Variants in PAQR5 observed in about 807,000 individuals in gnomAD.
The protein encoded by PAQR5 is progestin and adipoQ receptor family member 5.
PAQR5 carries 20 observed loss-of-function variants against 34.5 expected under a neutral mutation model. The ratio of observed to expected loss-of-function variants is 0.58; its 90% CI spans 0.41 to 0.84. The LOEUF is 0.84. PAQR5 is among the 40% of genes least tolerant of loss of function. The pLI, the probability that PAQR5 is intolerant of heterozygous loss-of-function variation, is 0.00. For missense variants in PAQR5, 378 were observed against 412.7 expected (o/e 0.92, Z 0.73); for synonymous variants, 131 against 155.6 (o/e 0.84, Z 1.18).
intron 1 of PAQR5, among the ~76,000 whole-genome samples, chr15:69,299,866 G>C (rs749185489): frequency 4.6e-5 from 7 of 152,188 alleles, no homozygotes; most frequent in East Asian, 1.9e-4. Flanking sequence ...AGAAGAGATG[G>C]GGAGAGGTCA....
At chr15:69,395,784 G>T (rs767938229) in intron 6 of PAQR5, among the ~76,000 whole-genome samples, 7 of 152,058 alleles carry the variant, frequency 4.6e-5, no homozygotes, top group Non-Finnish European at 7.4e-5. Flanking sequence ...CTTTTTCGGG[G>T]GGGATGATGC....
chr15:69,391,841 G>C (rs935355118), intron 6 of PAQR5: 5 of 385,336 alleles, frequency 1.3e-5, no homozygotes, highest in East Asian at 1.5e-4. Flanking sequence ...TGGATCACCT[G>C]AGGTCAGGAG....
intron 3 of PAQR5, among the ~76,000 whole-genome samples, chr15:69,365,387 C>T (rs1318705428): frequency 2.6e-5 from 4 of 152,194 alleles, no homozygotes; most frequent in African/African-American, 4.8e-5. Context: ...GGATTACAGG[C>T]GTGAGCCACC....
chr15:69,301,751 T>C (rs981660954), intron 1 of PAQR5, among the ~76,000 whole-genome samples: 6 of 152,062 alleles, frequency 3.9e-5, no homozygotes, highest in African/African-American at 7.3e-5. Context: ...TCTCAGCATC[T>C]TGGCATCCCT....
intron 1 of PAQR5, among the ~76,000 whole-genome samples, chr15:69,312,501 C>T (rs2053854538): frequency 6.6e-6 from 1 of 151,756 alleles, no homozygotes; most frequent in African/African-American, 2.4e-5. Context: ...GCCCTTCAAC[C>T]CTGGCAAAAG....
In PAQR5 at chr15:69,404,047, C is replaced by A; in HGVS notation, c.*225C>A. On this transcript the variant is annotated 3_prime_UTR_variant, in exon 9 of 9. Coordinates refer to ENST00000395407, the MANE Select transcript of PAQR5 (RefSeq NM_017705.4). ...AAAGGAGAATATGGTTCAAGCAAGT[C>A]CTTGTTAAGGCAAACTATTGATATT... The A allele has an allele frequency of 4.0e-6, 2 of 494,118 alleles. No individual in the cohort carries two copies. The highest frequency in any genetic ancestry group is 7.1e-6 in the Non-Finnish European group (2 of 281,970). The allele number at this position is 494,118 out of a possible 1,614,324, so 30.6% of individuals were successfully genotyped here. A position where few individuals can be genotyped will look rare whatever the true frequency, so the allele number is the denominator to read the frequency against.
intron 2 of PAQR5, among the ~76,000 whole-genome samples, chr15:69,344,169 C>T (rs1048939559): frequency 6.6e-6 from 1 of 152,176 alleles, no homozygotes; most frequent in Non-Finnish European, 1.5e-5. Flanking sequence ...CTTAGGCACA[C>T]CTTGCTTGAA....
At chr15:69,323,097 T>TA (rs1381554545) in intron 1 of PAQR5, among the ~76,000 whole-genome samples, 3 of 152,112 alleles carry the variant, frequency 2.0e-5, no homozygotes, top group African/African-American at 7.2e-5. Context: ...TGTTTGAACA[T>TA]AAAGTGTGGA....
At chr15:69,388,209 G>T (rs1489176204) in intron 5 of PAQR5, among the ~76,000 whole-genome samples, 2 of 152,162 alleles carry the variant, frequency 1.3e-5, no homozygotes, top group East Asian at 1.9e-4. Flanking sequence ...GCTTCCAGGG[G>T]TTCCTCCCTC....
At chr15:69,317,940 C>T (rs1566995084) in intron 1 of PAQR5, among the ~76,000 whole-genome samples, 1 of 152,232 alleles carries the variant, frequency 6.6e-6, no homozygotes, top group Non-Finnish European at 1.5e-5. Flanking sequence ...TCCTCAGCCT[C>T]TTTGGTATCC....
chr15:69,349,038 G>A (rs1242354566), intron 2 of PAQR5, among the ~76,000 whole-genome samples: 1 of 152,114 alleles, frequency 6.6e-6, no homozygotes, highest in Non-Finnish European at 1.5e-5. Context: ...TTGAGAACTG[G>A]TAAAGCATTA....
In PAQR5 at chr15:69,300,935, C is replaced by T. The variant is rs56257427; in HGVS notation, c.-277+1879C>T. 1.6e-4 allele frequency among the ~76,000 whole-genome samples: 5 copies of T among 31,028 alleles called. 1 individual carries two copies. Among genetic ancestry groups the T allele is most frequent in the African/African-American group, 2.8e-4 (4 of 14,282 alleles). The allele number at this position is 31,028 out of a possible 152,430, so 20.4% of individuals were successfully genotyped here. A position where few individuals can be genotyped will look rare whatever the true frequency, so the allele number is the denominator to read the frequency against. ...TTCCTTTCTCTCTCTCTCTCTCTCTCTCTCTTTCTTTCCTTCTTTCTTTCT... is the reference window on the plus strand; with the variant it reads ...TTCCTTTCTCTCTCTCTCTCTCTCTTTCTCTTTCTTTCCTTCTTTCTTTCT... On this transcript the variant is annotated intron_variant, in intron 1 of 8. Transcript: ENST00000395407.
chr15:69,389,644 T>C lies in PAQR5; in HGVS notation c.386-10T>C. 1.2e-6 allele frequency: 2 copies of C among 1,614,126 alleles called. No individual in the cohort carries two copies. Among genetic ancestry groups the C allele is most frequent in the Non-Finnish European group, 1.7e-6 (2 of 1,179,972 alleles). On this transcript the variant is annotated splice_polypyrimidine_tract_variant and intron_variant, in intron 5 of 8. Transcript: ENST00000395407. ...TGGCTCCTCTCCCAAGGCTGGCTTT[T>C]CTTCCCCAGGCTCAGCCATTGCCTA...
intron 2 of PAQR5, among the ~76,000 whole-genome samples, chr15:69,344,176 T>A (rs1188084118): frequency 1.3e-5 from 2 of 152,202 alleles, no homozygotes; most frequent in African/African-American, 4.8e-5. Flanking sequence ...ACACCTTGCT[T>A]GAAAGTTCAT....
At chr15:69,343,633 G>A (rs551895098) in intron 2 of PAQR5, among the ~76,000 whole-genome samples, 2 of 152,134 alleles carry the variant, frequency 1.3e-5, no homozygotes, top group Non-Finnish European at 2.9e-5. Flanking sequence ...ATTTCAACAC[G>A]CACTTTTTTT....
chr15:69,308,332 T>A (rs765122478), intron 1 of PAQR5, among the ~76,000 whole-genome samples: 2 of 152,202 alleles, frequency 1.3e-5, no homozygotes, highest in African/African-American at 2.4e-5. Context: ...ATCTGGCCAA[T>A]ACCTTTGCAC....
chr15:69,315,414 A>G (rs2053923853), intron 1 of PAQR5, among the ~76,000 whole-genome samples: 1 of 152,208 alleles, frequency 6.6e-6, no homozygotes. Context: ...AAGCATCAGC[A>G]TGTCTTCGCG....
chr15:69,362,871 C>T (rs2055277023), intron 3 of PAQR5, among the ~76,000 whole-genome samples: 1 of 152,184 alleles, frequency 6.6e-6, no homozygotes, highest in Admixed American at 6.5e-5. Context: ...TGATCCCTCC[C>T]CACCTCTTCC....
intron 2 of PAQR5, among the ~76,000 whole-genome samples, chr15:69,356,177 G>GA (rs2055071996): frequency 1.3e-5 from 2 of 152,182 alleles, no homozygotes; most frequent in Admixed American, 1.3e-4. Context: ...GCAGGTCTGT[G>GA]GAGACCCAAC....
Sources: allele counts gnomAD v4.1 joint callset (sites outside exome capture counted in the v4.1 genomes callset), GRCh38; gene constraint gnomAD v4.1.1; transcripts MANE v1.5; gene names NCBI Gene and HGNC (gene_info 2026-07-23, HGNC 2026-07-21).